Variants in FAM171A1 observed in about 807,000 individuals in gnomAD.
FAM171A1 encodes the protein protein FAM171A1.
A neutral mutation model predicts 74.9 loss-of-function variants in FAM171A1; 23 were observed. The ratio of observed to expected loss-of-function variants is 0.31; its 90% confidence interval spans 0.22 to 0.44. The LOEUF is 0.44. Ranked by LOEUF, FAM171A1 falls within the 20% of genes least tolerant of loss-of-function variation. The pLI is 1.00. For missense variants in FAM171A1, 1,162 were observed against 1,159.2 expected, an observed-to-expected ratio of 1.00 and a Z score of -0.03; for synonymous variants, 527 against 505.7, an observed-to-expected ratio of 1.04 and a Z score of -0.57.
intron 1 of FAM171A1, among the ~76,000 whole-genome samples, chr10:15,356,795 A>T (rs1263811291): frequency 6.6e-6 from 1 of 151,898 alleles, no homozygotes; most frequent in Non-Finnish European, 1.5e-5. Context: ...ACATGGTGAA[A>T]CCCTGTCTCT....
rs888691822 is a variant in FAM171A1, at chr10:15,280,890, T to C, written c.325+2988A>G. On this transcript the variant is annotated intron_variant, in intron 2 of 7. Coordinates refer to ENST00000378116, the MANE Select transcript of FAM171A1 (RefSeq NM_001010924.2). ...AATTTTTTTGTCTAAATTTTGGAGATGTTTCCTGTTAAGTTCTAGTTAAGA... is the reference window on the plus strand; with the variant it reads ...AATTTTTTTGTCTAAATTTTGGAGACGTTTCCTGTTAAGTTCTAGTTAAGA... Among the ~76,000 whole-genome samples, 6 of 152,352 alleles carry C rather than the reference T, an allele frequency of 3.9e-5. No homozygotes were observed. The South Asian group carries it at 8.3e-4, about 21-fold the overall frequency.
At chr10:15,267,600 G>A (rs1237453144) in intron 3 of FAM171A1, among the ~76,000 whole-genome samples, 2 of 39,542 alleles carry the variant, frequency 5.1e-5, no homozygotes, top group African/African-American at 9.3e-5. Context: ...AGACACCATC[G>A]CAAAAAAAAA....
intron 7 of FAM171A1, among the ~76,000 whole-genome samples, 198 bp from the exon 8 acceptor site, chr10:15,214,799 C>T (rs536919795): frequency 1.5e-4 from 22 of 148,496 alleles, no homozygotes; most frequent in South Asian, 1.5e-3. Context: ...CTTGCTCTGT[C>T]GCCCACGTTG....
At chr10:15,227,965 T>C (rs1380589509) in intron 5 of FAM171A1, among the ~76,000 whole-genome samples, 1 of 152,198 alleles carries the variant, frequency 6.6e-6, no homozygotes, top group Non-Finnish European at 1.5e-5. Context: ...CCTGCTTGGT[T>C]ACCAACCAGT....
At chr10:15,367,934 T>C (rs1836086404) in intron 1 of FAM171A1, among the ~76,000 whole-genome samples, 1 of 152,120 alleles carries the variant, frequency 6.6e-6, no homozygotes, top group Non-Finnish European at 1.5e-5. Flanking sequence ...CCCTAAAGAG[T>C]ACATCTGCAC....
intron 1 of FAM171A1, among the ~76,000 whole-genome samples, chr10:15,348,760 GTGACGCAGT>G (rs1367616474): frequency 6.6e-6 from 1 of 152,186 alleles, no homozygotes; most frequent in African/African-American, 2.4e-5. Context: ...TCCATGCTTC[GTGACGCAGT>G]TGAGCAGTGA....
intron 2 of FAM171A1, among the ~76,000 whole-genome samples, chr10:15,281,910 T>C (rs997451682): frequency 6.6e-6 from 1 of 152,188 alleles, no homozygotes; most frequent in Non-Finnish European, 1.5e-5. Flanking sequence ...TTTTCTCAAA[T>C]GACCATGTTA....
rs141302989 is a variant in FAM171A1, at chr10:15,213,659, G to A, written c.1929C>T (p.Ile643=). The A allele has an allele frequency of 6.2e-7, 1 of 1,613,906 alleles. No individual in the cohort carries two copies. The highest frequency in any genetic ancestry group is 8.5e-7 in the Non-Finnish European group (1 of 1,179,856). ...IQPQPLSSQA[I]SQQHLQDAGT... The stretch of plus-strand genomic sequence containing the variant: ...CCGCATCCTGCAGGTGCTGCTGAGA[G>A]ATGGCCTGGGAAGACAGGGGCTGGG... The change falls in exon 8 of 8, where the codon ATC becomes ATT. Residue 643 remains isoleucine (I), a synonymous_variant. Coordinates refer to ENST00000378116, the MANE Select transcript of FAM171A1 (RefSeq NM_001010924.2). The surrounding 1 kb of genome is among the most constrained non-coding windows in gnomAD (Gnocchi z 6.8).
At chr10:15,248,889 A>T in intron 4 of FAM171A1, 74 bp from the exon 5 acceptor site, 3 of 1,411,958 alleles carry the variant, frequency 2.1e-6, no homozygotes, top group South Asian at 1.5e-5. Context: ...TTTGCAAAAA[A>T]ATAGTCGCAG....
rs150669159 is a variant in FAM171A1 at position 15,302,910 on chromosome 10, C to G, written c.98-18805G>C. ...AACCTTAAAATGTCTTGATTAAGGC[C>G]GGGCGCGGTGGCTCACACCTATAAT... is the stretch of plus-strand genomic sequence containing the variant. On this transcript the variant is annotated intron_variant, in intron 1 of 7. Transcript: ENST00000378116. Among the ~76,000 whole-genome samples, 679 of 152,202 alleles carry G rather than the reference C, an allele frequency of 4.5e-3. 8 individuals are homozygous for G. Among genetic ancestry groups the G allele is most frequent in the African/African-American group, 0.015 (617 of 41,518 alleles).
Position 15,315,780 on chromosome 10 carries a change from CTT to C in FAM171A1, c.98-31677_98-31676del, listed in dbSNP as rs1198791495. 2.0e-5 allele frequency among the ~76,000 whole-genome samples: 3 copies of C among 152,176 alleles called. No homozygotes were observed. In the East Asian group the frequency reaches 5.8e-4, roughly 29 times the overall value. On this transcript the variant is annotated intron_variant, in intron 1 of 7. Coordinates refer to ENST00000378116, the MANE Select transcript of FAM171A1 (RefSeq NM_001010924.2). ...TCAGGCCTTAAGAAGCTCTGATGTC[CTT>C]TTTATTGGAGACAAGGAGCGGCTGG... is the stretch of plus-strand genomic sequence containing the variant.
At chr10:15,363,236 A>G (rs1464154877) in intron 1 of FAM171A1, among the ~76,000 whole-genome samples, 1 of 152,228 alleles carries the variant, frequency 6.6e-6, no homozygotes, top group Non-Finnish European at 1.5e-5. Flanking sequence ...CAGGCTTCAC[A>G]CTTCGGGCAA....
At chr10:15,238,271 T>C (rs1258067730) in intron 5 of FAM171A1, among the ~76,000 whole-genome samples, 1 of 152,192 alleles carries the variant, frequency 6.6e-6, no homozygotes, top group East Asian at 1.9e-4. Context: ...CACTGAAGAC[T>C]ATTTTTTAAA....
intron 5 of FAM171A1, among the ~76,000 whole-genome samples, chr10:15,244,225 G>T (rs1834401891): frequency 6.6e-6 from 1 of 152,080 alleles, no homozygotes; most frequent in African/African-American, 2.4e-5. Context: ...GGTGGTGGTG[G>T]GCACCTGTAA....
intron 1 of FAM171A1, among the ~76,000 whole-genome samples, chr10:15,343,315 G>A (rs1835785635): frequency 6.6e-6 from 1 of 152,186 alleles, no homozygotes; most frequent in Non-Finnish European, 1.5e-5. Context: ...GCTATAGTGA[G>A]CTATGATTGC....
At chr10:15,361,120 AAATT>A (rs1835988631) in intron 1 of FAM171A1, among the ~76,000 whole-genome samples, 1 of 152,220 alleles carries the variant, frequency 6.6e-6, no homozygotes, top group East Asian at 1.9e-4. Flanking sequence ...TATAAAGGAT[AAATT>A]ATTAATAATT....
chr10:15,324,877 AC>A (rs943305778), intron 1 of FAM171A1, among the ~76,000 whole-genome samples: 6 of 152,218 alleles, frequency 3.9e-5, no homozygotes, highest in African/African-American at 1.4e-4. Flanking sequence ...CTAAATAAGG[AC>A]TTTTACACTT....
chr10:15,339,665 G>A (rs1182478534), intron 1 of FAM171A1, among the ~76,000 whole-genome samples: 1 of 152,152 alleles, frequency 6.6e-6, no homozygotes, highest in Non-Finnish European at 1.5e-5. Flanking sequence ...ATCAGGCTTA[G>A]TTACTCCTCC....
chr10:15,254,752 A>G lies in FAM171A1; in HGVS notation c.546T>C (p.Pro182=), dbSNP rs1223370620. 1.2e-6 allele frequency: 2 copies of G among 1,614,088 alleles called. No individual in the cohort carries two copies. Among genetic ancestry groups the G allele is most frequent in the East Asian group, 2.2e-5 (1 of 44,898 alleles). The change falls in exon 4 of 8, where the codon CCT becomes CCC. Residue 182 remains proline, a synonymous_variant. Transcript: ENST00000378116. The stretch of plus-strand genomic sequence containing the variant: ...CATTTCCGTCTAATCCTCGCAAATA[A>G]GGAAAACTGTCCACCTCCGAAGGGG... ...ASSPSEVDSF[P]YLRGLDGNGT...
Sources: gnomAD v4.1 joint callset for allele counts (sites outside exome capture counted in the v4.1 genomes callset) on GRCh38, gnomAD v4.1.1 for gene constraint, Gnocchi (gnomAD v3.1) non-coding constraint, MANE v1.5 for transcripts, NCBI Gene and HGNC (gene_info 2026-07-23, HGNC 2026-07-21) for gene names.